TXNL1: variants seen among roughly 807,000 people sequenced by gnomAD.
The protein encoded by TXNL1 is thioredoxin-like protein 1.
TXNL1 carries 14 observed loss-of-function variants against 35.5 expected under a neutral mutation model. That is an observed-to-expected ratio of 0.39 (90% CI 0.26 to 0.62). The LOEUF is 0.62. Among genes scored for constraint, TXNL1 ranks in the 20% least tolerant of loss-of-function variants. The probability of loss-of-function intolerance (pLI) is 0.47; values close to 1 mark genes in which losing one functional copy is unlikely to be tolerated. For synonymous variants in TXNL1, 110 were observed against 115.5 expected (o/e 0.95, Z 0.31); for missense variants, 263 against 349.7 (o/e 0.75, Z 1.98).
In TXNL1 at chr18:56,597,944, C is replaced by T. The variant is rs552629916; in HGVS notation, c.*5083G>A. 1 of 152,246 alleles carries T rather than the reference C, an allele frequency of 6.6e-6. No homozygotes were observed. The highest frequency in any genetic ancestry group is 1.5e-5 in the Non-Finnish European group (1 of 68,044). The allele number at this position is 152,246 out of a possible 1,614,324, so 9.4% of individuals were successfully genotyped here. A position where few individuals can be genotyped will look rare whatever the true frequency, so the allele number is the denominator to read the frequency against. Reference sequence around the variant, plus strand: ...GTGAGACATCACAGACTTCTCTATGCTCGCTCCTCCCATAAATTAAGGAGA... The same window carrying T: ...GTGAGACATCACAGACTTCTCTATGTTCGCTCCTCCCATAAATTAAGGAGA... On this transcript the variant is annotated 3_prime_UTR_variant, in exon 8 of 8. Transcript: ENST00000217515.
At chr18:56,609,132 C>T (rs1318590870) in intron 7 of TXNL1, 1 of 151,462 alleles carries the variant, frequency 6.6e-6, no homozygotes, top group East Asian at 1.9e-4. Flanking sequence ...TAAATATAGC[C>T]CACATAAACA....
chr18:56,638,433 C>G lies in TXNL1; in HGVS notation c.8G>C (p.Gly3Ala). 6.2e-7 allele frequency: 1 copy of G among 1,612,844 alleles called. No individual in the cohort carries two copies. The highest frequency in any genetic ancestry group is 8.5e-7 in the Non-Finnish European group (1 of 1,179,280). The change falls in exon 1 of 8, where the codon GGG (glycine) becomes GCG (alanine). Residue 3 changes from glycine to alanine, a missense_variant. By Grantham distance (60) the Gly-to-Ala change is moderately conservative. Coordinates refer to ENST00000217515, the MANE Select transcript of TXNL1 (RefSeq NM_004786.3). MV[G>A]VKPVGSDPDF... Reference sequence around the variant, plus strand: ...CGGGTCGCTCCCGACGGGCTTCACCCCCACCATCCTCACAGAGAGCCCGGC... The same window carrying G: ...CGGGTCGCTCCCGACGGGCTTCACCGCCACCATCCTCACAGAGAGCCCGGC...
At chr18:56,638,247 G>T (rs2024488313) in intron 1 of TXNL1, 96 bp downstream of exon 1, 1 of 1,320,612 alleles carries the variant, frequency 7.6e-7, no homozygotes, top group Non-Finnish European at 1.0e-6. Flanking sequence ...CGGACACTCC[G>T]GGGCAGCAGA....
At chr18:56,632,681 C>T (rs1001833866) in intron 1 of TXNL1, among the ~76,000 whole-genome samples, 7 of 152,276 alleles carry the variant, frequency 4.6e-5, no homozygotes, top group South Asian at 2.1e-4. Flanking sequence ...AGTTCAAATA[C>T]GGGCAAAACT....
chr18:56,610,255 T>C (rs17090263), intron 7 of TXNL1: 10,090 of 152,346 alleles, frequency 0.066, 524 homozygotes, highest in East Asian at 0.24. Flanking sequence ...TCTGTACTGA[T>C]AAAGCTCTCA....
At chr18:56,626,673 T>C (rs769382224) in intron 1 of TXNL1, among the ~76,000 whole-genome samples, 19 of 151,378 alleles carry the variant, frequency 1.3e-4, no homozygotes, top group African/African-American at 2.0e-4. Flanking sequence ...ATTTTTGTAT[T>C]TTTAGTAGAG....
At chr18:56,609,462 C>T (rs2023955371) in intron 7 of TXNL1, 1 of 152,050 alleles carries the variant, frequency 6.6e-6, no homozygotes, top group African/African-American at 2.4e-5. Flanking sequence ...GAAACTTTAA[C>T]TGAATGGCTA....
chr18:56,623,686 A>G (rs1041593998), intron 3 of TXNL1, among the ~76,000 whole-genome samples: 5 of 152,144 alleles, frequency 3.3e-5, no homozygotes, highest in Non-Finnish European at 7.4e-5. Flanking sequence ...TCCACACACT[A>G]TCCTTTAGAT....
chr18:56,634,914 C>T (rs944384189), intron 1 of TXNL1, among the ~76,000 whole-genome samples: 1 of 152,110 alleles, frequency 6.6e-6, no homozygotes, highest in Non-Finnish European at 1.5e-5. Context: ...TAACATCCGG[C>T]ATATATAAAG....
In TXNL1 at chr18:56,632,745, G is replaced by A. The variant is rs186696938; in HGVS notation, c.98+5598C>T. 7.0e-4 allele frequency among the ~76,000 whole-genome samples: 106 copies of A among 152,298 alleles called. 2 individuals carry two copies. The highest frequency in any genetic ancestry group is 5.6e-4 in the Non-Finnish European group (38 of 68,032). ...TGGGAAGAAGCTTGGGACAGTGCGA[G>A]GAGTCCGGAGTTAATGATCTATTTC... On this transcript the variant is annotated intron_variant, in intron 1 of 7. Coordinates refer to ENST00000217515, the MANE Select transcript of TXNL1 (RefSeq NM_004786.3).
intron 1 of TXNL1, among the ~76,000 whole-genome samples, chr18:56,636,211 A>C (rs980961726): frequency 6.6e-6 from 1 of 152,158 alleles, no homozygotes; most frequent in Non-Finnish European, 1.5e-5. Context: ...AGAGTGCATA[A>C]AGCATAGAGG....
intron 1 of TXNL1, among the ~76,000 whole-genome samples, chr18:56,633,562 T>C (rs1555671166): frequency 1.4e-5 from 2 of 145,452 alleles, no homozygotes; most frequent in South Asian, 2.2e-4. Flanking sequence ...GAGGCTGCAA[T>C]TGAGCCATGA....
At chr18:56,634,701 A>G (rs2024429154) in intron 1 of TXNL1, among the ~76,000 whole-genome samples, 1 of 152,206 alleles carries the variant, frequency 6.6e-6, no homozygotes, top group Non-Finnish European at 1.5e-5. Flanking sequence ...AGCTAAAACT[A>G]TAAAACTCTT....
At position 56,626,373 on chromosome 18, in the gene TXNL1, T is replaced by A. The variant is rs746905367; in HGVS notation, c.183A>T (p.Val61=). Residue 61 remains valine, a synonymous_variant, in exon 2 of 8, where the codon GTA becomes GTT. Coordinates refer to ENST00000217515, the MANE Select transcript of TXNL1 (RefSeq NM_004786.3). ...TCCTTTCCCTTACCTGACACTGATGTACATCGACTTCCAAGAAAACAGCCT... is the reference window on the plus strand; with the variant it reads ...TCCTTTCCCTTACCTGACACTGATGAACATCGACTTCCAAGAAAACAGCCT... The part of the protein sequence containing the change: ...YPQAVFLEVD[V]HQCQGTAATN... 6.2e-6 allele frequency: 10 copies of A among 1,612,836 alleles called. No homozygotes were observed. In the Admixed American group the frequency reaches 6.7e-5, roughly 11 times the overall value.
At chr18:56,623,623 G>T (rs114126625) in intron 3 of TXNL1, among the ~76,000 whole-genome samples, 2 of 151,946 alleles carry the variant, frequency 1.3e-5, no homozygotes, top group African/African-American at 4.8e-5. Flanking sequence ...CTTCCTTCTT[G>T]AATAGCTCTC....
chr18:56,624,211 A>AT, intron 3 of TXNL1, 77 bp downstream of exon 3: 1 of 1,420,146 alleles, frequency 7.0e-7, no homozygotes, highest in African/African-American at 1.4e-5. Context: ...ATGGAAACAT[A>AT]GTTATATTTC....
chr18:56,605,646 T>C (rs2023880883), intron 7 of TXNL1, among the ~76,000 whole-genome samples: 2 of 152,200 alleles, frequency 1.3e-5, no homozygotes, highest in Admixed American at 6.5e-5. Flanking sequence ...ATGGCAAGCT[T>C]TTCATGCTGC....
At chr18:56,631,072 G>C (rs1339736732) in intron 1 of TXNL1, among the ~76,000 whole-genome samples, 1 of 151,868 alleles carries the variant, frequency 6.6e-6, no homozygotes, top group African/African-American at 2.4e-5. Flanking sequence ...AAGACACGAG[G>C]TCTGCCTATG....
intron 6 of TXNL1, among the ~76,000 whole-genome samples, chr18:56,613,994 C>A (rs1033964825): frequency 6.6e-5 from 10 of 151,698 alleles, no homozygotes; most frequent in Non-Finnish European, 1.5e-5. Context: ...CAGCGAGACT[C>A]CATCTCAAAA....
Sources: gnomAD v4.1 joint callset for allele counts (sites outside exome capture counted in the v4.1 genomes callset) on GRCh38, gnomAD v4.1.1 for gene constraint, MANE v1.5 for transcripts, NCBI Gene and HGNC (gene_info 2026-07-23, HGNC 2026-07-21) for gene names.